The following ZNF831 variants were observed in gnomAD, a reference collection of about 807,000 sequenced individuals.
ZNF831 encodes zinc finger protein 831, also known as chromosome 20 open reading frame 174.
Under a neutral mutation model 95.8 loss-of-function variants are expected in ZNF831, and 59 were observed. That is an observed-to-expected ratio of 0.62 (90% CI 0.50 to 0.77). The LOEUF (loss-of-function observed/expected upper bound fraction) is 0.77, where lower values mean the gene tolerates loss of function less well. ZNF831 is among the 30% of genes least tolerant of loss of function. ZNF831 has a pLI of 0.00. For synonymous variants in ZNF831, 961 were observed against 925.5 expected, an observed-to-expected ratio of 1.04 and a Z score of -0.70; for missense variants, 2,205 against 2,164.0, an observed-to-expected ratio of 1.02 and a Z score of -0.38.
intron 4 of ZNF831, among the ~76,000 whole-genome samples, chr20:59,226,153 G>A (rs1439860084): frequency 3.3e-5 from 5 of 152,140 alleles, no homozygotes; most frequent in African/African-American, 1.2e-4. Flanking sequence ...GAAAAGGAGT[G>A]GTCATAAGTC....
In ZNF831 at chr20:59,222,031, T is replaced by C. The variant is rs900806218; in HGVS notation, c.4027+14975T>C. On this transcript the variant is annotated intron_variant, in intron 4 of 5. Transcript: ENST00000371030. ...AAAATGAACTCAGTGCATTGGAGTC[T>C]GAATCATAGTTAATGTGCGACGCCC... 3.9e-5 allele frequency among the ~76,000 whole-genome samples: 6 copies of C among 152,370 alleles called. No individual in the cohort carries two copies. The South Asian group carries it at 1.0e-3, about 26-fold the overall frequency.
rs2146760505 is a variant in ZNF831 at position 59,253,877 on chromosome 20, TTC to T, written c.4189-20_4189-19del. 1 of 979,642 alleles carries T rather than the reference TTC, an allele frequency of 1.0e-6. No individual in the cohort carries two copies. Among genetic ancestry groups the T allele is most frequent in the South Asian group, 2.1e-5 (1 of 48,070 alleles). 60.7% of individuals were successfully genotyped at this position (979,642 alleles called of 1,614,324 possible). A position where few individuals can be genotyped will look rare whatever the true frequency, so the allele number is the denominator to read the frequency against. On this transcript the variant is annotated intron_variant, in intron 5 of 5. Transcript: ENST00000371030. ...ATTAACCTCCCCCCCCACTTTTTTT[TTC>T]CTTTGCACTTTGTTGCAGGATATTT...
At chr20:59,184,406 C>A (rs1003675282) in intron 1 of ZNF831, among the ~76,000 whole-genome samples, 2 of 152,100 alleles carry the variant, frequency 1.3e-5, no homozygotes, top group African/African-American at 4.8e-5. Flanking sequence ...TTCCTCCCTC[C>A]CCCCTTTTTT....
At chr20:59,246,200 C>A (rs190483099) in intron 4 of ZNF831, among the ~76,000 whole-genome samples, 3 of 152,074 alleles carry the variant, frequency 2.0e-5, no homozygotes, top group Non-Finnish European at 4.4e-5. Context: ...TCTCCAGAGC[C>A]CTCTTCTCTC....
intron 4 of ZNF831, among the ~76,000 whole-genome samples, chr20:59,215,913 G>C (rs1278100652): frequency 6.6e-6 from 1 of 151,924 alleles, no homozygotes; most frequent in Non-Finnish European, 1.5e-5. Flanking sequence ...AGAATCTGTT[G>C]TGAGCTGAAG....
In ZNF831 at chr20:59,208,042, C is replaced by T. The variant is rs1985025574; in HGVS notation, c.4027+986C>T. 6.6e-6 allele frequency among the ~76,000 whole-genome samples: 1 copy of T among 152,244 alleles called. No homozygotes were observed. Among genetic ancestry groups the T allele is most frequent in the Non-Finnish European group, 1.5e-5 (1 of 68,048 alleles). On this transcript the variant is annotated intron_variant, in intron 4 of 5. Transcript: ENST00000371030. The surrounding 1 kb of genome is among the most constrained non-coding windows in gnomAD (Gnocchi z 4.2). ...GCAAGGACATGGAGTAGTCTTGTTT[C>T]CCAGAGAGAATTTAAATCCAGGCAA...
At chr20:59,143,275 GGTGA>G (rs963489455) in intron 1 of ZNF831, among the ~76,000 whole-genome samples, 1 of 152,164 alleles carries the variant, frequency 6.6e-6, no homozygotes, top group Non-Finnish European at 1.5e-5. Context: ...TGCTTGTTCT[GGTGA>G]GTAAGTAGGC....
In ZNF831 at chr20:59,206,822, G is replaced by A. The variant is rs974271165; in HGVS notation, c.3876-83G>A. On this transcript the variant is annotated intron_variant, in intron 3 of 5. Coordinates refer to ENST00000371030, the MANE Select transcript of ZNF831 (RefSeq NM_178457.3). ...AGAGGTTGAGCCCCGTGTTCTCCTGGGCACCCCACAGTGACTTTCCAGATT... is the reference window on the plus strand; with the variant it reads ...AGAGGTTGAGCCCCGTGTTCTCCTGAGCACCCCACAGTGACTTTCCAGATT... 1.1e-5 allele frequency: 16 copies of A among 1,506,084 alleles called. No individual in the cohort carries two copies. In the African/African-American group the frequency reaches 2.1e-4, roughly 20 times the overall value. The allele number at this position is 1,506,084 out of a possible 1,614,324, so 93.3% of individuals were successfully genotyped here.
At chr20:59,215,912 T>C (rs1322840042) in intron 4 of ZNF831, among the ~76,000 whole-genome samples, 1 of 152,014 alleles carries the variant, frequency 6.6e-6, no homozygotes, top group Non-Finnish European at 1.5e-5. Context: ...CAGAATCTGT[T>C]GTGAGCTGAA....
chr20:59,152,550 C>G (rs976823703), intron 2 of ZNF831, among the ~76,000 whole-genome samples: 1 of 152,148 alleles, frequency 6.6e-6, no homozygotes, highest in Non-Finnish European at 1.5e-5. Flanking sequence ...GAATAGGGTA[C>G]AAAGTCCCTG....
chr20:59,197,618 G>A (rs1437081825), intron 3 of ZNF831, among the ~76,000 whole-genome samples: 1 of 152,168 alleles, frequency 6.6e-6, no homozygotes, highest in Non-Finnish European at 1.5e-5. Context: ...GGGGAGTGGG[G>A]CTTTCCTTTC....
intron 4 of ZNF831, among the ~76,000 whole-genome samples, chr20:59,223,472 A>C (rs1986230690): frequency 6.6e-6 from 1 of 152,196 alleles, no homozygotes; most frequent in South Asian, 2.1e-4. Flanking sequence ...ATGCAGGAGG[A>C]ACGAGCCGGC....
intron 3 of ZNF831, among the ~76,000 whole-genome samples, chr20:59,200,651 C>A (rs1343207216): frequency 6.6e-6 from 1 of 152,136 alleles, no homozygotes; most frequent in Non-Finnish European, 1.5e-5. Flanking sequence ...GTCCTTCCAT[C>A]CCCAGGTAAC....
intron 1 of ZNF831, among the ~76,000 whole-genome samples, chr20:59,183,172 G>A (rs571309461): frequency 3.9e-5 from 6 of 152,330 alleles, no homozygotes; most frequent in Admixed American, 2.6e-4. Context: ...CGTGGGAACC[G>A]TGGTTGGACC....
chr20:59,167,348 G>A (rs1981356931), intron 1 of ZNF831, among the ~76,000 whole-genome samples: 1 of 151,114 alleles, frequency 6.6e-6, no homozygotes, highest in African/African-American at 2.4e-5. Flanking sequence ...TCCCTTGTCA[G>A]ATATGTTGTT....
intron 1 of ZNF831, among the ~76,000 whole-genome samples, chr20:59,139,993 T>C (rs1411476690): frequency 6.6e-6 from 1 of 152,232 alleles, no homozygotes; most frequent in Non-Finnish European, 1.5e-5. Context: ...TAATATGTGA[T>C]AAAAATCTGT....
At chr20:59,145,261 G>A (rs1344019653) in intron 1 of ZNF831, among the ~76,000 whole-genome samples, 1 of 152,150 alleles carries the variant, frequency 6.6e-6, no homozygotes, top group African/African-American at 2.4e-5. Flanking sequence ...CTTGGGTCAC[G>A]TTACCATTGG....
At position 59,181,966 on chromosome 20, in the gene ZNF831, T is replaced by C. The variant is rs537825423; in HGVS notation, c.-36-9018T>C. On this transcript the variant is annotated intron_variant, in intron 1 of 5. Transcript: ENST00000371030. ...TTGAGCAGTGGTTTGTAGTTCTCCT[T>C]GAAGAGGTCCTTTATGCCAATCTTA... 3.6e-4 allele frequency among the ~76,000 whole-genome samples: 55 copies of C among 152,280 alleles called. 1 individual carries two copies. The highest frequency in any genetic ancestry group is 1.3e-3 in the African/African-American group (54 of 41,554).
At chr20:59,123,972 C>G (rs1310986256) in intron 1 of ZNF831, among the ~76,000 whole-genome samples, 5 of 152,170 alleles carry the variant, frequency 3.3e-5, no homozygotes, top group African/African-American at 1.2e-4. Flanking sequence ...ACTAGCTTAG[C>G]CAGGGCACAC....
Sources: allele counts gnomAD v4.1 joint callset (sites outside exome capture counted in the v4.1 genomes callset), GRCh38; gene constraint gnomAD v4.1.1; non-coding constraint Gnocchi (gnomAD v3.1); transcripts MANE v1.5; gene names NCBI Gene and HGNC (gene_info 2026-07-23, HGNC 2026-07-21).